PPP2R2A: variants seen among roughly 807,000 people sequenced by gnomAD.
PPP2R2A encodes protein phosphatase 2 regulatory subunit Balpha, also known as serine/threonine-protein phosphatase 2A 55 kDa regulatory subunit B alpha isoform.
Under a neutral mutation model 53.2 loss-of-function variants are expected in PPP2R2A, and 9 were observed. The ratio of observed to expected loss-of-function variants is 0.17; its 90% confidence interval spans 0.10 to 0.30. PPP2R2A has a LOEUF of 0.30. Ranked by LOEUF, PPP2R2A falls within the 10% of genes least tolerant of loss-of-function variation. The pLI is 1.00. For missense variants in PPP2R2A, 235 were observed against 534.6 expected, an observed-to-expected ratio of 0.44 and a Z score of 5.53; for synonymous variants, 169 against 174.2, an observed-to-expected ratio of 0.97 and a Z score of 0.23.
intron 2 of PPP2R2A, among the ~76,000 whole-genome samples, chr8:26,337,261 A>C (rs1803712399): frequency 6.6e-6 from 1 of 152,218 alleles, no homozygotes; most frequent in Non-Finnish European, 1.5e-5. Context: ...GGCTAAAAAA[A>C]ACCCAGCAAA....
intron 3 of PPP2R2A, chr8:26,350,556 A>G (rs1257855730): frequency 2.0e-5 from 3 of 151,882 alleles, no homozygotes; most frequent in African/African-American, 7.3e-5. Flanking sequence ...GTGCACTGCA[A>G]CACTTGACTA....
In PPP2R2A at chr8:26,370,026, T is replaced by C. The variant is rs1805592359; in HGVS notation, c.1065-108T>C. On this transcript the variant is annotated intron_variant, in intron 9 of 9. Transcript: ENST00000380737. This position sits in a 1 kb window ranked among gnomAD's most constrained non-coding sequence, Gnocchi z 6.1. ...TGTCAACAGCCCCTGTCCCTTAGTT[T>C]AAATCTGCTTTTGAAGTAGCTTCCT... The C allele has an allele frequency of 8.3e-7, 1 of 1,200,836 alleles. No homozygotes were observed. The highest frequency in any genetic ancestry group is 1.5e-5 in the African/African-American group (1 of 65,402). 74.4% of individuals were successfully genotyped at this position (1,200,836 alleles called of 1,614,324 possible).
rs146354435 is a variant in PPP2R2A, at chr8:26,363,765, G to A, written c.847G>A (p.Glu283Lys). The change falls in exon 8 of 10, where the codon GAA (glutamate) becomes AAA (lysine). Residue 283 changes from glutamate (E) to lysine (K), a missense_variant. Physicochemically the swap from Glu to Lys is moderately conservative, Grantham distance 56. Around this residue, in one of 3 missense-constraint regions of PPP2R2A, gnomAD observed 181 missense variants for 409.9 expected, o/e 0.44. Transcript: ENST00000380737. ...TCCCAGTAACAGGTCATTTTTTTCC[G>A]AAATCATCTCCTCTATTTCGGATGT... ...EDPSNRSFFSEIISSISDVKF... is the reference protein window; with the variant it reads ...EDPSNRSFFSKIISSISDVKF... 6.3e-7 allele frequency: 1 copy of A among 1,597,268 alleles called. No individual in the cohort carries two copies. The highest frequency in any genetic ancestry group is 8.5e-7 in the Non-Finnish European group (1 of 1,169,684).
intron 2 of PPP2R2A, among the ~76,000 whole-genome samples, chr8:26,337,938 A>G (rs945089544): frequency 6.6e-6 from 1 of 152,226 alleles, no homozygotes; most frequent in Non-Finnish European, 1.5e-5. Context: ...TTGGTGAAAT[A>G]CATGTCAGTA....
chr8:26,335,536 T>C (rs1238739533), intron 2 of PPP2R2A, among the ~76,000 whole-genome samples: 1 of 152,088 alleles, frequency 6.6e-6, no homozygotes, highest in Non-Finnish European at 1.5e-5. Context: ...CTCCCCGAAA[T>C]AAAATTACTC....
At chr8:26,292,257 T>C in intron 1 of PPP2R2A, 1 of 1,008,692 alleles carries the variant, frequency 9.9e-7, no homozygotes, top group Non-Finnish European at 1.2e-6. Flanking sequence ...TGGGTGTATA[T>C]ACACATTTAT....
intron 2 of PPP2R2A, among the ~76,000 whole-genome samples, chr8:26,337,004 G>A (rs564589259): frequency 1.3e-5 from 2 of 152,224 alleles, no homozygotes; most frequent in South Asian, 4.2e-4. Flanking sequence ...AGTTGTAACA[G>A]CTCATCAGCC....
chr8:26,296,073 T>TG (rs1801527851), intron 2 of PPP2R2A, among the ~76,000 whole-genome samples: 1 of 152,242 alleles, frequency 6.6e-6, no homozygotes, highest in Admixed American at 6.5e-5. Flanking sequence ...TACTCTGTAA[T>TG]GCCTTAATCT....
In PPP2R2A at chr8:26,362,968, C is replaced by T; in HGVS notation, c.802+120C>T. The T allele has an allele frequency of 2.2e-6, 2 of 902,714 alleles. No homozygotes were observed. Among genetic ancestry groups the T allele is most frequent in the Non-Finnish European group, 3.3e-6 (2 of 605,190 alleles). The allele number at this position is 902,714 out of a possible 1,614,324, so 55.9% of individuals were successfully genotyped here. On this transcript the variant is annotated intron_variant, in intron 7 of 9. Transcript: ENST00000380737. This position sits in a 1 kb window ranked among gnomAD's most constrained non-coding sequence, Gnocchi z 4.4. ...TCTTAAACCCGTGTGTCCAGAGCCA[C>T]TTGTACCCTTGGTAATCTGCCTACC...
At chr8:26,327,152 T>G (rs1803131500) in intron 2 of PPP2R2A, among the ~76,000 whole-genome samples, 1 of 152,170 alleles carries the variant, frequency 6.6e-6, no homozygotes, top group South Asian at 2.1e-4. Context: ...CTAGAGTGCC[T>G]GGGCAGACAA....
At chr8:26,358,389 C>T (rs746918098) in intron 4 of PPP2R2A, among the ~76,000 whole-genome samples, 48 of 152,114 alleles carry the variant, frequency 3.2e-4, no homozygotes, top group Non-Finnish European at 6.3e-4. Flanking sequence ...TCATATCTAT[C>T]TATAAATCAT....
chr8:26,295,705 A>G (rs753153603), intron 2 of PPP2R2A, among the ~76,000 whole-genome samples: 7 of 152,200 alleles, frequency 4.6e-5, no homozygotes, highest in Non-Finnish European at 8.8e-5. Flanking sequence ...CATTTTAGTA[A>G]GATAACATAT....
intron 1 of PPP2R2A, chr8:26,293,365 T>C: frequency 8.2e-7 from 1 of 1,223,398 alleles, no homozygotes; most frequent in East Asian, 2.5e-5. Context: ...ACTTTTTTTC[T>C]GGTAGGTCTT....
At chr8:26,320,922 A>G (rs17174717) in intron 2 of PPP2R2A, among the ~76,000 whole-genome samples, 7,425 of 152,238 alleles carry the variant, frequency 0.049, 218 homozygotes, top group South Asian at 0.12. Context: ...AAGAATGTCT[A>G]GAGGGCCTTA....
At chr8:26,359,280 T>C (rs576893629) in intron 4 of PPP2R2A, among the ~76,000 whole-genome samples, 1 of 152,230 alleles carries the variant, frequency 6.6e-6, no homozygotes, top group African/African-American at 2.4e-5. Context: ...CTAAATGCAG[T>C]GTTGTTTGAA....
intron 2 of PPP2R2A, 183 bp downstream of exon 2, chr8:26,293,923 G>A (rs892936400): frequency 8.4e-6 from 5 of 594,362 alleles, no homozygotes; most frequent in East Asian, 5.8e-5. Flanking sequence ...TGTTATTTAC[G>A]CCTTGTTTTT....
At chr8:26,308,861 T>C (rs1430228234) in intron 2 of PPP2R2A, among the ~76,000 whole-genome samples, 2 of 152,036 alleles carry the variant, frequency 1.3e-5, no homozygotes, top group Non-Finnish European at 2.9e-5. Flanking sequence ...TTACAAAATA[T>C]ATATATATAT....
intron 3 of PPP2R2A, among the ~76,000 whole-genome samples, chr8:26,341,448 G>T (rs1301431079): frequency 1.3e-5 from 2 of 152,144 alleles, no homozygotes; most frequent in African/African-American, 4.8e-5. Flanking sequence ...AATTGAATGA[G>T]ATTTTATGAA....
chr8:26,360,710 A>G lies in PPP2R2A; in HGVS notation c.460-264A>G. 1 of 411,250 alleles carries G rather than the reference A, an allele frequency of 2.4e-6. No individual in the cohort carries two copies. The highest frequency in any genetic ancestry group is 4.3e-6 in the Non-Finnish European group (1 of 235,162). 25.5% of individuals were successfully genotyped at this position (411,250 alleles called of 1,614,324 possible). A position where few individuals can be genotyped will look rare whatever the true frequency, so the allele number is the denominator to read the frequency against. Reference sequence around the variant, plus strand: ...AACCATAAACATTTATTAGCTTGGCATGTCTTTCAAGCAAAATATTGAAAC... The same window carrying G: ...AACCATAAACATTTATTAGCTTGGCGTGTCTTTCAAGCAAAATATTGAAAC... On this transcript the variant is annotated intron_variant, in intron 5 of 9. Coordinates refer to ENST00000380737, the MANE Select transcript of PPP2R2A (RefSeq NM_002717.4). This position sits in a 1 kb window ranked among gnomAD's most constrained non-coding sequence, Gnocchi z 4.5.
Sources: gnomAD v4.1 joint callset for allele counts (sites outside exome capture counted in the v4.1 genomes callset) on GRCh38, gnomAD v4.1.1 for gene constraint, gnomAD v4.1.1 regional missense constraint, Gnocchi (gnomAD v3.1) non-coding constraint, MANE v1.5 for transcripts, NCBI Gene and HGNC (gene_info 2026-07-23, HGNC 2026-07-21) for gene names.